PKP3: variants seen among roughly 807,000 people sequenced by gnomAD.
PKP3 encodes the protein plakophilin 3, also known as plakophilin-3.
In PKP3, 66 loss-of-function variants were observed where a neutral mutation model predicts 76.5. The observed-to-expected ratio is 0.86, with a 90% confidence interval of 0.71 to 1.06. The LOEUF is 1.06. Among genes scored for constraint, PKP3 ranks in the 50% least tolerant of loss-of-function variants. The pLI is 0.00. For synonymous variants in PKP3, 638 were observed against 516.5 expected (o/e 1.24, Z -3.19); for missense variants, 1,338 against 1,141.0 (o/e 1.17, Z -2.49).
In PKP3 at chr11:397,031, A is replaced by G. The variant is rs1243821707; in HGVS notation, c.530A>G (p.Asp177Gly). ...RGGVGSRADY[D>G]TLSLRSLRLG... is the part of the protein sequence containing the mutation. ...GGGGTTGGGAGCCGGGCCGACTATG[A>G]CACACTCTCCCTGCGCTCGCTGCGG... Residue 177 changes from aspartate to glycine, a missense_variant, in exon 3 of 13, where the codon GAC (aspartate) becomes GGC (glycine). Asp to Gly is a moderately conservative substitution (Grantham distance 94). Coordinates refer to ENST00000331563, the MANE Select transcript of PKP3 (RefSeq NM_007183.4). The G allele has an allele frequency of 5.0e-6, 8 of 1,599,542 alleles. No individual in the cohort carries two copies. In the African/African-American group the frequency reaches 6.7e-5, roughly 13 times the overall value.
chr11:400,379 G>C lies in PKP3; in HGVS notation c.1494G>C (p.Glu498Asp). 6.5e-7 allele frequency: 1 copy of C among 1,549,410 alleles called. No individual in the cohort carries two copies. The highest frequency in any genetic ancestry group is 8.7e-7 in the Non-Finnish European group (1 of 1,146,406). The change falls in exon 7 of 13, where the codon GAG (glutamate) becomes GAC (aspartate). Residue 498 changes from glutamate (E) to aspartate (D), a missense_variant. Physicochemically the swap from Glu to Asp is conservative, Grantham distance 45 (BLOSUM62 2). Transcript: ENST00000331563. The part of the protein sequence containing the change: ...ASQATRQKMR[E>D]CHGLVDALVT... ...AGGCCACTCGCCAGAAGATGCGGGA[G>C]TGCCACGGGCTGGTGGACGCCCTGG...
chr11:392,974 C>A (rs1291071961), upstream of PKP3, among the ~76,000 whole-genome samples: 1 of 151,942 alleles, frequency 6.6e-6, no homozygotes, highest in Non-Finnish European at 1.5e-5. Flanking sequence ...AAGGGTCTGC[C>A]CTGGAGGAGA....
Position 396,942 on chromosome 11 carries a change from G to A in PKP3, c.441G>A (p.Gly147=), listed in dbSNP as rs377473495. The stretch of plus-strand genomic sequence containing the variant: ...GGGGCAGCGCCTTTGGGGCCGCTGG[G>A]TACGGGGGTGCCCAGCCCACCCCTC... ...HNGGSAFGAA[G]YGGAQPTPPM... The change falls in exon 3 of 13, where the codon GGG becomes GGA. Residue 147 remains glycine (G), a synonymous_variant. Transcript: ENST00000331563. The A allele has an allele frequency of 1.6e-4, 256 of 1,596,498 alleles. No individual in the cohort carries two copies. The highest frequency in any genetic ancestry group is 2.0e-4 in the Non-Finnish European group (234 of 1,176,396).
At position 400,626 on chromosome 11, in the gene PKP3, G is replaced by A. The variant is rs1422603330; in HGVS notation, c.1658G>A (p.Arg553His). 4 of 1,411,400 alleles carry A rather than the reference G, an allele frequency of 2.8e-6. No homozygotes were observed. The highest frequency in any genetic ancestry group is 3.7e-6 in the Non-Finnish European group (4 of 1,091,800). The allele number at this position is 1,411,400 out of a possible 1,614,324, so 87.4% of individuals were successfully genotyped here. ...PPSALQRLEG[R>H]GRRDLAGAPP... ...TCCGCGCTGCAGCGGCTGGAGGGTC[G>A]CGGCCGCAGGGACCTGGCGGGGGCG... Residue 553 changes from arginine (R) to histidine (H), a missense_variant, in exon 8 of 13, where the codon CGC becomes CAC. By Grantham distance (29) the Arg-to-His change is conservative. Coordinates refer to ENST00000331563, the MANE Select transcript of PKP3 (RefSeq NM_007183.4).
At chr11:396,760 G>C (rs991535212) in intron 2 of PKP3, 54 bp from the exon 3 acceptor site, 363 of 1,571,888 alleles carry the variant, frequency 2.3e-4, no homozygotes, top group Non-Finnish European at 3.0e-4. Flanking sequence ...TCTGCAGCGG[G>C]CCCGGACACA....
chr11:403,037 C>T (rs1380893127), intron 8 of PKP3, 41 bp from the exon 9 acceptor site: 3 of 969,010 alleles, frequency 3.1e-6, no homozygotes, highest in Non-Finnish European at 3.9e-6. Context: ...CACCCCGACC[C>T]GCTCACCCCG....
upstream of PKP3, chr11:394,002 T>G (rs1847009143): frequency 2.6e-6 from 1 of 381,880 alleles, no homozygotes; most frequent in Non-Finnish European, 4.7e-6. Context: ...CCCGTGGCCC[T>G]GTTGTGGGAT....
In PKP3 at chr11:396,869, C is replaced by T; in HGVS notation, c.368C>T (p.Ser123Phe). 1.2e-6 allele frequency: 2 copies of T among 1,600,252 alleles called. No homozygotes were observed. Among genetic ancestry groups the T allele is most frequent in the Non-Finnish European group, 1.7e-6 (2 of 1,176,610 alleles). ...AYSPASWSSR[S>F]AVDLSCSRRL... ...AGCCCAGCCTCCTGGTCCTCCCGCT[C>T]CGCCGTGGATCTGAGCTGCAGTCGG... The change falls in exon 3 of 13, where the codon TCC becomes TTC. Residue 123 changes from serine to phenylalanine, a missense_variant. Transcript: ENST00000331563.
intron 4 of PKP3, among the ~76,000 whole-genome samples, chr11:398,323 G>A (rs79669303): frequency 1.3e-4 from 1 of 7,930 alleles, no homozygotes; most frequent in Non-Finnish European, 1.9e-4. Flanking sequence ...CGTCACCTCC[G>A]TACCCCTGCA....
At chr11:403,881 G>A (rs1435340557) in intron 10 of PKP3, 62 bp from the exon 11 acceptor site, 5 of 1,560,422 alleles carry the variant, frequency 3.2e-6, no homozygotes, top group African/African-American at 2.7e-5. Flanking sequence ...GGGGAGGCAG[G>A]GGACCCCAGG....
chr11:397,262 T>G lies in PKP3; in HGVS notation c.761T>G (p.Phe254Cys), dbSNP rs938684780. Reference protein sequence around the residue: ...RAPAVRTLQRFQSSHRSRGVG... With the variant: ...RAPAVRTLQRCQSSHRSRGVG... Reference sequence around the variant, plus strand: ...CCTGCCGTGCGGACCCTGCAGCGATTCCAGAGCAGCCACCGGAGCCGCGGG... The same window carrying G: ...CCTGCCGTGCGGACCCTGCAGCGATGCCAGAGCAGCCACCGGAGCCGCGGG... Residue 254 changes from phenylalanine (F) to cysteine (C), a missense_variant, in exon 3 of 13, where the codon TTC (phenylalanine) becomes TGC (cysteine). Coordinates refer to ENST00000331563, the MANE Select transcript of PKP3 (RefSeq NM_007183.4). 38 of 1,599,492 alleles carry G rather than the reference T, an allele frequency of 2.4e-5. No homozygotes were observed. The highest frequency in any genetic ancestry group is 3.1e-5 in the Non-Finnish European group (36 of 1,177,528).
chr11:394,566 G>T, intron 1 of PKP3, 42 bp downstream of exon 1: 1 of 1,337,268 alleles, frequency 7.5e-7, no homozygotes, highest in South Asian at 1.8e-5. Flanking sequence ...GTGGCGGGGA[G>T]AGGTGGCTGC....
Position 396,115 on chromosome 11 carries a change from G to A in PKP3, c.233-493G>A, listed in dbSNP as rs79494358. Reference sequence around the variant, plus strand: ...TGTGGCCCCTGCCTCAGGCTCTGCCGGGTGGGACAGGGCACTGCAACAGGG... The same window carrying A: ...TGTGGCCCCTGCCTCAGGCTCTGCCAGGTGGGACAGGGCACTGCAACAGGG... On this transcript the variant is annotated intron_variant, in intron 1 of 12. Transcript: ENST00000331563. 8.2e-3 allele frequency: 1,263 copies of A among 154,304 alleles called. 14 individuals carry two copies. Among genetic ancestry groups the A allele is most frequent in the African/African-American group, 0.029 (1,206 of 41,620 alleles). The allele number at this position is 154,304 out of a possible 1,614,324, so 9.6% of individuals were successfully genotyped here. A position where few individuals can be genotyped will look rare whatever the true frequency, so the allele number is the denominator to read the frequency against.
Position 404,443 on chromosome 11 carries a change from G to C in PKP3, c.2359-91G>C, listed in dbSNP as rs934190337. 30 of 1,505,578 alleles carry C rather than the reference G, an allele frequency of 2.0e-5. No individual in the cohort carries two copies. Among genetic ancestry groups the C allele is most frequent in the Non-Finnish European group, 2.7e-5 (29 of 1,082,512 alleles). 93.3% of individuals were successfully genotyped at this position (1,505,578 alleles called of 1,614,324 possible). A position where few individuals can be genotyped will look rare whatever the true frequency, so the allele number is the denominator to read the frequency against. On this transcript the variant is annotated intron_variant, in intron 12 of 12. Coordinates refer to ENST00000331563, the MANE Select transcript of PKP3 (RefSeq NM_007183.4). The surrounding 1 kb of genome is among the most constrained non-coding windows in gnomAD (Gnocchi z 4.2). ...CCAGGGACCCAGAGAGGAAGGGTCC[G>C]GGCCACACCCAGCACACTGCAGGAG...
chr11:399,606 T>TC (rs1308510552), intron 5 of PKP3, among the ~76,000 whole-genome samples: 1 of 127,994 alleles, frequency 7.8e-6, no homozygotes, highest in Non-Finnish European at 1.6e-5. Context: ...TTCTGACCCC[T>TC]CCACCTCATT....
Position 404,743 on chromosome 11 carries a change from T to G in PKP3, c.*174T>G. On this transcript the variant is annotated 3_prime_UTR_variant, in exon 13 of 13. Coordinates refer to ENST00000331563, the MANE Select transcript of PKP3 (RefSeq NM_007183.4). This position sits in a 1 kb window ranked among gnomAD's most constrained non-coding sequence, Gnocchi z 4.2. ...GGCCACCAGGAGGGGCAGGGTCTTA[T>G]AGCTGGGGACTTGGCTTCCGCAGGG... 1.6e-6 allele frequency: 1 copy of G among 616,480 alleles called. No homozygotes were observed. Among genetic ancestry groups the G allele is most frequent in the African/African-American group, 1.9e-5 (1 of 54,020 alleles). The allele number at this position is 616,480 out of a possible 1,614,324, so 38.2% of individuals were successfully genotyped here.
chr11:403,750 G>T lies in PKP3; in HGVS notation c.2056G>T (p.Ala686Ser), dbSNP rs148355152. Residue 686 changes from alanine to serine, a missense_variant, in exon 10 of 13, where the codon GCT becomes TCT. Physicochemically the swap from Ala to Ser is moderately conservative, Grantham distance 99 (BLOSUM62 1). Coordinates refer to ENST00000331563, the MANE Select transcript of PKP3 (RefSeq NM_007183.4). ...TGLIRNLSRNARNKDEMSTKV... is the reference protein window; with the variant it reads ...TGLIRNLSRNSRNKDEMSTKV... ...CCTCATCCGAAACCTGTCTCGGAAC[G>T]CTAGGAACAAGGACGAGATGTGTGA... The T allele has an allele frequency of 1.9e-6, 3 of 1,608,024 alleles. No homozygotes were observed. The highest frequency in any genetic ancestry group is 1.7e-5 in the Admixed American group (1 of 60,014).
At chr11:403,907 G>C (rs763885992) in intron 10 of PKP3, 36 bp from the exon 11 acceptor site, 1 of 1,573,338 alleles carries the variant, frequency 6.4e-7, no homozygotes, top group Non-Finnish European at 8.6e-7. Flanking sequence ...AGGTGGCCAG[G>C]AGTAGGGGTG....
In PKP3 at chr11:397,640, G is replaced by C. The variant is rs1847072589; in HGVS notation, c.1046G>C (p.Ser349Thr). 3 of 1,611,692 alleles carry C rather than the reference G, an allele frequency of 1.9e-6. No homozygotes were observed. Among genetic ancestry groups the C allele is most frequent in the African/African-American group, 2.7e-5 (2 of 74,910 alleles). Residue 349 changes from serine (S) to threonine (T), a missense_variant, in exon 4 of 13, where the codon AGC (serine) becomes ACC (threonine). Coordinates refer to ENST00000331563, the MANE Select transcript of PKP3 (RefSeq NM_007183.4). The part of the protein sequence containing the change: ...GAAYIQHKCY[S>T]DAAAKKQARS... Reference sequence around the variant, plus strand: ...GCCTACATCCAGCACAAGTGCTACAGCGATGCAGCCGCCAAGAAGCAGGTG... The same window carrying C: ...GCCTACATCCAGCACAAGTGCTACACCGATGCAGCCGCCAAGAAGCAGGTG...
Sources: allele counts gnomAD v4.1 joint callset (sites outside exome capture counted in the v4.1 genomes callset), GRCh38; gene constraint gnomAD v4.1.1; non-coding constraint Gnocchi (gnomAD v3.1); transcripts MANE v1.5; gene names NCBI Gene and HGNC (gene_info 2026-07-23, HGNC 2026-07-21).